CNTNAP5: variants seen among roughly 807,000 people sequenced by gnomAD.
The protein encoded by CNTNAP5 is contactin associated protein family member 5.
In CNTNAP5, 72 loss-of-function variants were observed where a neutral mutation model predicts 150.2. The ratio of observed to expected loss-of-function variants is 0.48; its 90% confidence interval spans 0.40 to 0.58. The LOEUF is 0.58. Among genes scored for constraint, CNTNAP5 ranks in the 20% least tolerant of loss-of-function variants. The probability of loss-of-function intolerance (pLI) is 0.00; values close to 1 mark genes in which losing one functional copy is unlikely to be tolerated. For missense variants in CNTNAP5, 1,636 were observed against 1,626.2 expected (o/e 1.01, Z -0.10); for synonymous variants, 672 against 619.8 (o/e 1.08, Z -1.25).
chr2:124,170,315 C>A (rs1371903334), intron 1 of CNTNAP5, among the ~76,000 whole-genome samples: 2 of 151,882 alleles, frequency 1.3e-5, no homozygotes, highest in African/African-American at 2.4e-5. Flanking sequence ...ACTGACATAA[C>A]CTTTGCTTTT....
chr2:124,619,036 ATAAG>A (rs1025516279), intron 12 of CNTNAP5, among the ~76,000 whole-genome samples: 2 of 152,208 alleles, frequency 1.3e-5, no homozygotes, highest in Non-Finnish European at 2.9e-5. Flanking sequence ...AAACAAGTAA[ATAAG>A]TAAGAAAAAC....
intron 19 of CNTNAP5, among the ~76,000 whole-genome samples, chr2:124,800,793 T>A (rs1304553190): frequency 6.6e-6 from 1 of 152,164 alleles, no homozygotes; most frequent in Non-Finnish European, 1.5e-5. Context: ...CTTGTTTGTA[T>A]GATTGTTTAA....
At chr2:124,113,460 A>T (rs1241403295) in intron 1 of CNTNAP5, among the ~76,000 whole-genome samples, 2 of 151,100 alleles carry the variant, frequency 1.3e-5, no homozygotes, top group African/African-American at 4.9e-5. Context: ...ACTTTTTTCT[A>T]TTTGAATGTC....
At chr2:124,618,366 C>T (rs959719254) in intron 12 of CNTNAP5, among the ~76,000 whole-genome samples, 6 of 152,094 alleles carry the variant, frequency 3.9e-5, no homozygotes, top group African/African-American at 1.2e-4. Flanking sequence ...CAGTGGATCT[C>T]TCGTATGGCT....
intron 1 of CNTNAP5, among the ~76,000 whole-genome samples, chr2:124,052,800 T>A (rs1681734854): frequency 6.6e-6 from 1 of 152,238 alleles, no homozygotes; most frequent in African/African-American, 2.4e-5. Flanking sequence ...GCTCTGAAAT[T>A]AGGTCTGCAT....
At position 124,839,792 on chromosome 2, in the gene CNTNAP5, C is replaced by T. The variant is rs1682908306; in HGVS notation, c.3218-25514C>T. On this transcript the variant is annotated intron_variant, in intron 19 of 23. Transcript: ENST00000682447. ...ACTTCCCATCAGAAGTTCCCATCAACCCTTTTGTCTGAACTAGAATGTACT... is the reference window on the plus strand; with the variant it reads ...ACTTCCCATCAGAAGTTCCCATCAATCCTTTTGTCTGAACTAGAATGTACT... 3.3e-5 allele frequency among the ~76,000 whole-genome samples: 5 copies of T among 152,140 alleles called. No individual in the cohort carries two copies. In the South Asian group the frequency reaches 1.0e-3, roughly 32 times the overall value.
At chr2:124,418,140 C>T (rs937699478) in intron 4 of CNTNAP5, among the ~76,000 whole-genome samples, 3 of 152,144 alleles carry the variant, frequency 2.0e-5, no homozygotes, top group Non-Finnish European at 4.4e-5. Context: ...AACTAGTGAT[C>T]ACTCTAGAAT....
intron 11 of CNTNAP5, among the ~76,000 whole-genome samples, chr2:124,569,059 AT>A (rs1181204616): frequency 2.6e-5 from 4 of 151,694 alleles, no homozygotes; most frequent in Non-Finnish European, 4.4e-5. Flanking sequence ...AAAGAAAAAA[AT>A]ATATATATAT....
intron 1 of CNTNAP5, among the ~76,000 whole-genome samples, chr2:124,166,521 G>C (rs761606821): frequency 6.6e-6 from 1 of 152,034 alleles, no homozygotes; most frequent in Non-Finnish European, 1.5e-5. Flanking sequence ...AACCTTCTCT[G>C]GTAGATCATT....
chr2:124,247,188 T>A (rs1034651686), intron 3 of CNTNAP5, among the ~76,000 whole-genome samples: 4 of 152,150 alleles, frequency 2.6e-5, no homozygotes, highest in African/African-American at 9.7e-5. Flanking sequence ...ACATCCTGAG[T>A]ATTGATCACT....
At chr2:124,311,215 G>T (rs1381594733) in intron 3 of CNTNAP5, among the ~76,000 whole-genome samples, 2 of 151,998 alleles carry the variant, frequency 1.3e-5, no homozygotes, top group Admixed American at 6.6e-5. Flanking sequence ...CACTAGGATT[G>T]CCATAACAGA....
chr2:124,586,267 T>C (rs890449554), intron 11 of CNTNAP5, among the ~76,000 whole-genome samples: 9 of 152,238 alleles, frequency 5.9e-5, no homozygotes, highest in African/African-American at 2.2e-4. Flanking sequence ...TGGCAATTTG[T>C]ACTGATGATT....
intron 13 of CNTNAP5, among the ~76,000 whole-genome samples, chr2:124,737,290 C>CA (rs35374514): frequency 0.3 from 37,362 of 126,340 alleles, 5,332 homozygotes; most frequent in Non-Finnish European, 0.37. Context: ...GACTCCATCT[C>CA]AAAAAAAAAA....
At chr2:124,057,282 ATTTT>A (rs560714964) in intron 1 of CNTNAP5, among the ~76,000 whole-genome samples, 10 of 125,724 alleles carry the variant, frequency 8.0e-5, no homozygotes, top group Admixed American at 8.2e-5. Context: ...TAACAAGTCC[ATTTT>A]TTTTTTTTTT....
intron 1 of CNTNAP5, among the ~76,000 whole-genome samples, chr2:124,032,952 A>G (rs1681103863): frequency 6.6e-6 from 1 of 152,190 alleles, no homozygotes; most frequent in Non-Finnish European, 1.5e-5. Context: ...GGAATGTGTA[A>G]TTAAACCTCA....
chr2:124,605,834 G>GAAAAAAAAAAAAAAAAAAAAAAAAA (rs1558701516), intron 11 of CNTNAP5, among the ~76,000 whole-genome samples: 3 of 66,782 alleles, frequency 4.5e-5, no homozygotes, highest in Non-Finnish European at 8.9e-5. Flanking sequence ...AAAAAAAAAA[G>GAAAAAAAAAAAAAAAAAAAAAAAAA]AAGGAAAGAA....
At chr2:124,440,494 G>C (rs1022189477) in intron 5 of CNTNAP5, among the ~76,000 whole-genome samples, 3 of 152,074 alleles carry the variant, frequency 2.0e-5, no homozygotes, top group African/African-American at 7.2e-5. Context: ...ATCAAACAAG[G>C]CATTTGGTTG....
intron 19 of CNTNAP5, among the ~76,000 whole-genome samples, chr2:124,841,401 T>A (rs1057239093): frequency 1.3e-5 from 2 of 151,790 alleles, no homozygotes; most frequent in Admixed American, 6.6e-5. Flanking sequence ...TTAATCCCTT[T>A]GCTTTGGACA....
chr2:124,555,991 A>G (rs1249323876), intron 10 of CNTNAP5, among the ~76,000 whole-genome samples: 1 of 152,180 alleles, frequency 6.6e-6, no homozygotes, highest in Admixed American at 6.5e-5. Flanking sequence ...CCTACCAAAA[A>G]TTATCTTTAA....
Sources: gnomAD v4.1 joint callset for allele counts (sites outside exome capture counted in the v4.1 genomes callset) on GRCh38, gnomAD v4.1.1 for gene constraint, MANE v1.5 for transcripts, NCBI Gene and HGNC (gene_info 2026-07-23, HGNC 2026-07-21) for gene names.